The following LYRM4 variants were observed in gnomAD, a reference collection of about 807,000 sequenced individuals.
The protein encoded by LYRM4 is LYR motif-containing protein 4.
Under a neutral mutation model 11.7 loss-of-function variants are expected in LYRM4, and 9 were observed. The ratio of observed to expected loss-of-function variants is 0.77; its 90% CI spans 0.46 to 1.34. The LOEUF (loss-of-function observed/expected upper bound fraction) is 1.34. Among genes scored for constraint, LYRM4 ranks in the 40% most tolerant of loss-of-function variants. LYRM4 has a pLI of 0.00. For synonymous variants in LYRM4, 42 were observed against 40.4 expected (o/e 1.04, Z -0.15); for missense variants, 133 against 112.5 (o/e 1.18, Z -0.82).
intron 1 of LYRM4, among the ~76,000 whole-genome samples, chr6:5,243,236 G>A (rs192937723): frequency 1.1e-4 from 17 of 152,290 alleles, no homozygotes; most frequent in African/African-American, 3.1e-4. Context: ...CCCCGTCACC[G>A]AGTCAGACAG....
chr6:5,039,836 A>C, the LYRM4 span, among the ~76,000 whole-genome samples: 4 of 152,208 alleles, frequency 2.6e-5, no homozygotes, highest in Admixed American at 1.3e-4. Flanking sequence ...AAAGAAATTC[A>C]CTTACAGATG....
chr6:5,101,096 C>G (rs1762485971), downstream of LYRM4, among the ~76,000 whole-genome samples: 1 of 152,152 alleles, frequency 6.6e-6, no homozygotes, highest in African/African-American at 2.4e-5. Context: ...CATCGCTGTT[C>G]CCTTGCATAG....
intron 2 of LYRM4, among the ~76,000 whole-genome samples, chr6:5,114,759 C>T (rs1285399112): frequency 2.6e-5 from 4 of 151,014 alleles, no homozygotes; most frequent in South Asian, 2.1e-4. Context: ...AAAAAAAAAT[C>T]GCAAAAAAAA....
the LYRM4 span, among the ~76,000 whole-genome samples, chr6:5,055,846 C>T: frequency 2.0e-5 from 3 of 152,168 alleles, no homozygotes; most frequent in African/African-American, 2.4e-5. The surrounding 1 kb of genome is among the most constrained non-coding windows in gnomAD (Gnocchi z 4.5). Context: ...AACCTTGAAA[C>T]AGTTAAAAAC....
At chr6:5,229,923 G>A (rs532704064) in intron 1 of LYRM4, among the ~76,000 whole-genome samples, 2 of 152,300 alleles carry the variant, frequency 1.3e-5, no homozygotes, top group Non-Finnish European at 2.9e-5. Flanking sequence ...TAACATTTAA[G>A]ATCTTTGACC....
At chr6:5,103,928 A>T (rs2127590172), downstream of LYRM4, 1 of 149,116 alleles carries the variant, frequency 6.7e-6, no homozygotes, top group South Asian at 2.1e-4. Flanking sequence ...GAGCCACCAC[A>T]CCTGGAGGAG....
At chr6:5,199,702 G>A (rs562143041) in intron 2 of LYRM4, among the ~76,000 whole-genome samples, 4 of 152,314 alleles carry the variant, frequency 2.6e-5, no homozygotes, top group Non-Finnish European at 5.9e-5. Context: ...GGAATTGCCA[G>A]GCAATTGCCT....
intron 1 of LYRM4, among the ~76,000 whole-genome samples, chr6:5,247,379 A>G (rs1189263623): frequency 6.6e-6 from 1 of 152,228 alleles, no homozygotes; most frequent in Non-Finnish European, 1.5e-5. Flanking sequence ...AGGAGAATCC[A>G]TGATCCTTTC....
intron 1 of LYRM4, among the ~76,000 whole-genome samples, chr6:5,234,471 T>A (rs1245673890): frequency 6.6e-6 from 1 of 152,206 alleles, no homozygotes; most frequent in Non-Finnish European, 1.5e-5. Flanking sequence ...ATTACTCTAT[T>A]TTATAACAGG....
the LYRM4 span, chr6:5,034,023 A>T: frequency 6.6e-6 from 1 of 152,328 alleles, no homozygotes; most frequent in Non-Finnish European, 1.5e-5. Context: ...ATCCAGAGCC[A>T]TGCTTTTGCA....
chr6:5,046,535 T>C, the LYRM4 span, among the ~76,000 whole-genome samples: 6 of 152,320 alleles, frequency 3.9e-5, no homozygotes, highest in Admixed American at 3.9e-4. Context: ...ACGTCCCACA[T>C]GGCTTCTTTA....
chr6:5,257,105 G>C (rs1764713768), intron 1 of LYRM4, among the ~76,000 whole-genome samples: 1 of 152,066 alleles, frequency 6.6e-6, no homozygotes, highest in Non-Finnish European at 1.5e-5. Context: ...CTACACTGCT[G>C]CCAGAGTGAT....
chr6:5,033,956 C>T, the LYRM4 span: 1 of 152,288 alleles, frequency 6.6e-6, no homozygotes, highest in South Asian at 2.1e-4. Context: ...CAAGGTGACC[C>T]CTCTGCTTTC....
chr6:5,180,110 C>G (rs530815139), intron 2 of LYRM4, among the ~76,000 whole-genome samples: 9 of 152,318 alleles, frequency 5.9e-5, no homozygotes, highest in African/African-American at 1.9e-4. Flanking sequence ...TGGGGCTAAT[C>G]TGACAATGCC....
intron 2 of LYRM4, among the ~76,000 whole-genome samples, chr6:5,171,582 T>C (rs1759429503): frequency 1.3e-5 from 2 of 152,122 alleles, no homozygotes; most frequent in Admixed American, 1.3e-4. Flanking sequence ...CAGAAATAAA[T>C]CAGGGAGTTT....
chr6:5,177,624 T>C (rs1759797227), intron 2 of LYRM4, among the ~76,000 whole-genome samples: 2 of 152,200 alleles, frequency 1.3e-5, no homozygotes, highest in Admixed American at 6.5e-5. Flanking sequence ...TTTTCTTTAA[T>C]CCTTTTAGCT....
Position 5,260,654 on chromosome 6 carries a change from T to C in LYRM4, c.80A>G (p.Asn27Ser), listed in dbSNP as rs1255079650. The change falls in exon 1 of 3, where the codon AAT becomes AGT. Residue 27 changes from asparagine to serine, a missense_variant. Physicochemically the swap from Asn to Ser is conservative, Grantham distance 46 (BLOSUM62 1). Transcript: ENST00000330636. ...CCGGTGCCCGCTGGGTCACCTGTAA[T>C]TGTAGGCGCTGAAACGCTTGCTCTC... ...LRESKRFSAY[N>S]YRTYAVRRIR... is the part of the protein sequence containing the mutation. 19 of 1,438,558 alleles carry C rather than the reference T, an allele frequency of 1.3e-5. No individual in the cohort carries two copies. Among genetic ancestry groups the C allele is most frequent in the African/African-American group, 2.9e-5 (2 of 69,754 alleles). 89.1% of individuals were successfully genotyped at this position (1,438,558 alleles called of 1,614,324 possible).
intron 2 of LYRM4, among the ~76,000 whole-genome samples, chr6:5,179,821 C>A (rs997825931): frequency 6.6e-6 from 1 of 152,160 alleles, no homozygotes; most frequent in Admixed American, 6.5e-5. Context: ...TGCTGTGTTT[C>A]ATTTTTGGAG....
At chr6:5,229,354 T>C (rs928844282) in intron 1 of LYRM4, among the ~76,000 whole-genome samples, 1 of 152,184 alleles carries the variant, frequency 6.6e-6, no homozygotes, top group South Asian at 2.1e-4. Flanking sequence ...TGGTACCAAT[T>C]TGCCAAAGCG....
Sources: gnomAD v4.1 joint callset for allele counts (sites outside exome capture counted in the v4.1 genomes callset) on GRCh38, gnomAD v4.1.1 for gene constraint, Gnocchi (gnomAD v3.1) non-coding constraint, MANE v1.5 for transcripts, NCBI Gene and HGNC (gene_info 2026-07-23, HGNC 2026-07-21) for gene names.